The following TUBB variants were observed in gnomAD, a reference collection of about 807,000 sequenced individuals.
The protein encoded by TUBB is tubulin beta chain.
In TUBB, 2 loss-of-function variants were observed where a neutral mutation model predicts 35.1. That is an observed-to-expected ratio of 0.06 (90% CI 0.02 to 0.18). TUBB has a LOEUF of 0.18. Among genes scored for constraint, TUBB ranks in the 10% least tolerant of loss-of-function variants. TUBB has a pLI of 1.00. For missense variants in TUBB, 50 were observed against 599.4 expected (o/e 0.08, Z 9.57); for synonymous variants, 205 against 223.8 (o/e 0.92, Z 0.75).
intron 3 of TUBB, 67 bp from the exon 4 acceptor site, chr6:30,723,273 G>C: frequency 7.6e-7 from 1 of 1,313,076 alleles, no homozygotes; most frequent in South Asian, 1.4e-5. Context: ...TTGAAAAGTT[G>C]AAAGATGGAA....
intron 2 of TUBB, 31 bp downstream of exon 2, chr6:30,722,676 C>T: frequency 6.4e-7 from 1 of 1,559,660 alleles, no homozygotes; most frequent in African/African-American, 1.4e-5. Flanking sequence ...AGCTCAGGTT[C>T]CCTTCCCTGT....
In TUBB at chr6:30,724,365, G is replaced by A; in HGVS notation, c.1303G>A (p.Asp435Asn). 6.2e-7 allele frequency: 1 copy of A among 1,612,408 alleles called. No homozygotes were observed. The highest frequency in any genetic ancestry group is 1.1e-5 in the South Asian group (1 of 91,020). Reference protein sequence around the residue: ...YQDATAEEEEDFGEEAEEEA With the variant: ...YQDATAEEEENFGEEAEEEA ...GGATGCCACCGCAGAAGAGGAGGAGGATTTCGGTGAGGAGGCCGAAGAGGA... is the reference window on the plus strand; with the variant it reads ...GGATGCCACCGCAGAAGAGGAGGAGAATTTCGGTGAGGAGGCCGAAGAGGA... The change falls in exon 4 of 4, where the codon GAT (aspartate) becomes AAT (asparagine). Residue 435 changes from aspartate to asparagine, a missense_variant. By Grantham distance (23) the Asp-to-Asn change is conservative. This residue lies in a region of TUBB where 12 missense variants were observed against 20.5 expected (regional missense o/e 0.59). Transcript: ENST00000327892. The surrounding 1 kb of genome is among the most constrained non-coding windows in gnomAD (Gnocchi z 4.4).
rs188973291 is a variant in TUBB at position 30,724,639 on chromosome 6, A to G, written c.*242A>G. 144 of 516,654 alleles carry G rather than the reference A, an allele frequency of 2.8e-4. 1 individual carries two copies. Among genetic ancestry groups the G allele is most frequent in the African/African-American group, 2.1e-3 (111 of 52,206 alleles). 32.0% of individuals were successfully genotyped at this position (516,654 alleles called of 1,614,324 possible). A position where few individuals can be genotyped will look rare whatever the true frequency, so the allele number is the denominator to read the frequency against. On this transcript the variant is annotated 3_prime_UTR_variant, in exon 4 of 4. Transcript: ENST00000327892. This position sits in a 1 kb window ranked among gnomAD's most constrained non-coding sequence, Gnocchi z 4.4. ...TTTCTGCCATTCTGGGTGACCCTGT[A>G]TTTCTTTCTGGTGCCCATTCCATTT...
Position 30,723,872 on chromosome 6 carries a change from T to C in TUBB, c.810T>C (p.Phe270=). 6.2e-7 allele frequency: 1 copy of C among 1,614,132 alleles called. No individual in the cohort carries two copies. The highest frequency in any genetic ancestry group is 1.3e-5 in the African/African-American group (1 of 75,040). ...FPRLHFFMPG[F]APLTSRGSQQ... is the part of the protein sequence containing the mutation. Reference sequence around the variant, plus strand: ...GTCTCCATTTCTTTATGCCTGGCTTTGCCCCTCTCACCAGCCGTGGAAGCC... The same window carrying C: ...GTCTCCATTTCTTTATGCCTGGCTTCGCCCCTCTCACCAGCCGTGGAAGCC... The change falls in exon 4 of 4, where the codon TTT becomes TTC. Residue 270 remains phenylalanine (F), a synonymous_variant. Coordinates refer to ENST00000327892, the MANE Select transcript of TUBB (RefSeq NM_178014.4).
chr6:30,721,962 C>T, intron 1 of TUBB: 1 of 891,688 alleles, frequency 1.1e-6, no homozygotes, highest in Non-Finnish European at 1.3e-6. Context: ...AAAGCGAGAC[C>T]CTCCCCCATG....
chr6:30,722,793 C>A, intron 2 of TUBB, 125 bp from the exon 3 acceptor site: 1 of 1,106,152 alleles, frequency 9.0e-7, no homozygotes, highest in Non-Finnish European at 1.3e-6. Context: ...CCAAAGACGT[C>A]TGCTGCCACC....
chr6:30,721,790 T>C, intron 1 of TUBB: 1 of 984,900 alleles, frequency 1.0e-6, no homozygotes, highest in Non-Finnish European at 1.2e-6. Flanking sequence ...TGTGGCTTTC[T>C]CGGGGGAGCG....
In TUBB at chr6:30,724,897, G is replaced by C. The variant is rs377049979; in HGVS notation, c.*500G>C. On this transcript the variant is annotated 3_prime_UTR_variant, in exon 4 of 4. Coordinates refer to ENST00000327892, the MANE Select transcript of TUBB (RefSeq NM_178014.4). The surrounding 1 kb of genome is among the most constrained non-coding windows in gnomAD (Gnocchi z 4.4). ...GCTATTAAAGTCACTAAATTTCTAA[G>C]TATGTCCATTTCCCATCTCAGCTTC... is the stretch of plus-strand genomic sequence containing the variant. 1.3e-5 allele frequency: 2 copies of C among 157,640 alleles called. No homozygotes were observed. The highest frequency in any genetic ancestry group is 3.8e-4 in the South Asian group (2 of 5,220). The allele number at this position is 157,640 out of a possible 1,614,324, so 9.8% of individuals were successfully genotyped here. A position where few individuals can be genotyped will look rare whatever the true frequency, so the allele number is the denominator to read the frequency against.
At chr6:30,722,509 T>C (rs779374052) in intron 1 of TUBB, 28 bp from the exon 2 acceptor site, 3 of 1,526,276 alleles carry the variant, frequency 2.0e-6, no homozygotes, top group South Asian at 1.1e-5. Flanking sequence ...ACTTGACCTG[T>C]TGTGGTCTCG....
intron 3 of TUBB, 129 bp downstream of exon 3, chr6:30,723,157 C>CT: frequency 1.0e-6 from 1 of 965,086 alleles, no homozygotes; most frequent in South Asian, 1.6e-5. Context: ...GTTCTGAAAT[C>CT]TAACGGAGGG....
intron 2 of TUBB, 115 bp from the exon 3 acceptor site, chr6:30,722,803 C>A: frequency 8.8e-7 from 1 of 1,142,692 alleles, no homozygotes; most frequent in Non-Finnish European, 1.3e-6. Context: ...CTGCTGCCAC[C>A]TGGTGGCGGG....
rs11546742 is a variant in TUBB, at chr6:30,724,991, C to G, written c.*594C>G. 3,107 of 153,222 alleles carry G rather than the reference C, an allele frequency of 0.02. 45 individuals carry two copies. Among genetic ancestry groups the G allele is most frequent in the Non-Finnish European group, 0.034 (2,347 of 68,798 alleles). The allele number at this position is 153,222 out of a possible 1,614,324, so 9.5% of individuals were successfully genotyped here. ...CAAGCTCTACTCTGGAGGAGTCTGT[C>G]CCACTCTGTCAAGTGGAATCCTTCC... On this transcript the variant is annotated 3_prime_UTR_variant, in exon 4 of 4. Coordinates refer to ENST00000327892, the MANE Select transcript of TUBB (RefSeq NM_178014.4). The surrounding 1 kb of genome is among the most constrained non-coding windows in gnomAD (Gnocchi z 4.4).
intron 3 of TUBB, 23 bp from the exon 4 acceptor site, chr6:30,723,317 C>G: frequency 6.4e-7 from 1 of 1,564,656 alleles, no homozygotes; most frequent in Non-Finnish European, 8.7e-7. Context: ...GTTAATTGAG[C>G]TTTTCTCCTG....
intron 1 of TUBB, chr6:30,721,752 C>T (rs932733065): frequency 3.0e-6 from 3 of 985,038 alleles, no homozygotes; most frequent in Non-Finnish European, 2.4e-6. Flanking sequence ...ACTTGGGACC[C>T]GCTGCACATA....
rs1159377524 is a variant in TUBB, at chr6:30,724,478, G to A, written c.*81G>A. 3 of 1,325,024 alleles carry A rather than the reference G, an allele frequency of 2.3e-6. No homozygotes were observed. Among genetic ancestry groups the A allele is most frequent in the Non-Finnish European group, 3.1e-6 (3 of 976,728 alleles). 82.1% of individuals were successfully genotyped at this position (1,325,024 alleles called of 1,614,324 possible). ...GCCCCTTTCCTCTCCCTCAGAATTT[G>A]TGTTTGCTGCCTCTATCTTGTTTTT... On this transcript the variant is annotated 3_prime_UTR_variant, in exon 4 of 4. Transcript: ENST00000327892. This position sits in a 1 kb window ranked among gnomAD's most constrained non-coding sequence, Gnocchi z 4.4.
At position 30,720,376 on chromosome 6, in the gene TUBB, G is replaced by T. The variant is rs1308337694; in HGVS notation, c.-131G>T. ...CCTCTCAGAACCTTCCTGCCGTCGC[G>T]TTTGCACCTCGCTGCTCCAGCCTCT... On this transcript the variant is annotated 5_prime_UTR_variant, in exon 1 of 4. Transcript: ENST00000327892. 2.3e-6 allele frequency: 2 copies of T among 861,756 alleles called. No individual in the cohort carries two copies. The highest frequency in any genetic ancestry group is 2.8e-5 in the South Asian group (2 of 72,068). The allele number at this position is 861,756 out of a possible 1,614,324, so 53.4% of individuals were successfully genotyped here. A position where few individuals can be genotyped will look rare whatever the true frequency, so the allele number is the denominator to read the frequency against.
chr6:30,722,697 T>C (rs1210582724), intron 2 of TUBB, 52 bp downstream of exon 2: 43 of 1,454,052 alleles, frequency 3.0e-5, no homozygotes, highest in Non-Finnish European at 3.8e-5. Context: ...CTCCCACTTA[T>C]CTGGGATCTC....
At chr6:30,721,565 C>T in intron 1 of TUBB, 1 of 985,382 alleles carries the variant, frequency 1.0e-6, no homozygotes, top group Non-Finnish European at 1.2e-6. Flanking sequence ...TTGTCGGCGG[C>T]TCGACCTGCG....
chr6:30,720,431 C>G lies in TUBB; in HGVS notation c.-76C>G, dbSNP rs1170166853. 1 of 1,468,294 alleles carries G rather than the reference C, an allele frequency of 6.8e-7. No individual in the cohort carries two copies. The highest frequency in any genetic ancestry group is 9.5e-7 in the Non-Finnish European group (1 of 1,049,418). 91.0% of individuals were successfully genotyped at this position (1,468,294 alleles called of 1,614,324 possible). On this transcript the variant is annotated 5_prime_UTR_variant, in exon 1 of 4. Transcript: ENST00000327892. The stretch of plus-strand genomic sequence containing the variant: ...CGCATTCCAACCTTCCAGCCTGCGA[C>G]CTGCGGAGAAAAAAAATTACTTATT...
Sources: allele counts gnomAD v4.1 joint callset, GRCh38; gene constraint gnomAD v4.1.1; regional missense constraint gnomAD v4.1.1; non-coding constraint Gnocchi (gnomAD v3.1); transcripts MANE v1.5; gene names NCBI Gene and HGNC (gene_info 2026-07-23, HGNC 2026-07-21).